IGF2R: variants seen among roughly 807,000 people sequenced by gnomAD.
The protein encoded by IGF2R is cation-independent mannose-6-phosphate receptor.
IGF2R carries 91 observed loss-of-function variants against 270.6 expected under a neutral mutation model. The ratio of observed to expected loss-of-function variants is 0.34; its 90% CI spans 0.28 to 0.40. The LOEUF is 0.40. Among genes scored for constraint, IGF2R ranks in the 10% least tolerant of loss-of-function variants. The probability of loss-of-function intolerance (pLI) is 1.00; values close to 1 mark genes in which losing one functional copy is unlikely to be tolerated. For missense variants in IGF2R, 2,805 were observed against 3,188.3 expected (o/e 0.88, Z 2.90); for synonymous variants, 1,316 against 1,258.9 (o/e 1.05, Z -0.96).
At chr6:160,021,674 T>C (rs376480664) in intron 4 of IGF2R, among the ~76,000 whole-genome samples, 3 of 143,458 alleles carry the variant, frequency 2.1e-5, no homozygotes, top group South Asian at 2.2e-4. Context: ...AACCCCACAA[T>C]GAGATACCAT....
Position 160,046,649 on chromosome 6 carries a change from A to G in IGF2R, c.2051+4A>G. 3.1e-6 allele frequency: 5 copies of G among 1,611,456 alleles called. No homozygotes were observed. Among genetic ancestry groups the G allele is most frequent in the Non-Finnish European group, 4.2e-6 (5 of 1,179,504 alleles). On this transcript the variant is annotated splice_donor_region_variant and intron_variant, in intron 15 of 47. Transcript: ENST00000356956. ...GAGCCTGCCAGGTGGCAAAAAGGCA[A>G]GTAGCTTCTCAGTTCTGTTTCATTC...
Position 159,998,527 on chromosome 6 carries a change from A to C in IGF2R, c.289+7204A>C, listed in dbSNP as rs1331238991. Among the ~76,000 whole-genome samples the C allele has an allele frequency of 1.3e-5, 2 of 152,216 alleles. No homozygotes were observed. The highest frequency in any genetic ancestry group is 4.8e-5 in the African/African-American group (2 of 41,458). ...TTTTAGGAAGCTGGCCCCGTGGAATAGGAAACGATGCCTACAGGGGAGATA... is the reference window on the plus strand; with the variant it reads ...TTTTAGGAAGCTGGCCCCGTGGAATCGGAAACGATGCCTACAGGGGAGATA... On this transcript the variant is annotated intron_variant, in intron 2 of 47. Coordinates refer to ENST00000356956, the MANE Select transcript of IGF2R (RefSeq NM_000876.4). This position sits in a 1 kb window ranked among gnomAD's most constrained non-coding sequence, Gnocchi z 4.1.
In IGF2R at chr6:160,079,646, G is replaced by A. The variant is rs1456148760; in HGVS notation, c.5545G>A (p.Gly1849Ser). The A allele has an allele frequency of 6.4e-7, 1 of 1,569,654 alleles. No individual in the cohort carries two copies. The highest frequency in any genetic ancestry group is 8.6e-7 in the Non-Finnish European group (1 of 1,158,748). ...CTTTGCAGTCGGGCCAGAACAAGGA[G>A]GCTGTAAGGACGGAGGAGTCTGTCT... ...CTFAVGPEQG[G>S]CKDGGVCLLS... The change falls in exon 38 of 48, where the codon GGC (glycine) becomes AGC (serine). Residue 1849 changes from glycine (G) to serine (S), a missense_variant. Transcript: ENST00000356956.
chr6:160,088,990 G>A (rs1481956858), intron 42 of IGF2R, 117 bp from the exon 43 acceptor site: 2 of 1,049,460 alleles, frequency 1.9e-6, no homozygotes, highest in Admixed American at 3.1e-5. Flanking sequence ...AAGTCTCGCA[G>A]CACCTTGACT....
intron 1 of IGF2R, among the ~76,000 whole-genome samples, chr6:159,972,670 G>T (rs974300237): frequency 4.6e-5 from 7 of 152,232 alleles, no homozygotes; most frequent in Non-Finnish European, 8.8e-5. Flanking sequence ...GCTTCAAGGT[G>T]ACCTTTGGCT....
At chr6:160,095,084 T>C (rs531373258) in intron 44 of IGF2R, 1 of 152,304 alleles carries the variant, frequency 6.6e-6, no homozygotes, top group South Asian at 2.1e-4. Flanking sequence ...TTTAGGTTGC[T>C]TGCCCACGTC....
At chr6:160,082,639 A>G (rs984171065) in intron 39 of IGF2R, among the ~76,000 whole-genome samples, 1 of 152,038 alleles carries the variant, frequency 6.6e-6, no homozygotes, top group Non-Finnish European at 1.5e-5. Context: ...TCATTAGTAG[A>G]TTGGTCAAAT....
chr6:160,001,604 T>G (rs1174639042), intron 2 of IGF2R, among the ~76,000 whole-genome samples: 1 of 152,156 alleles, frequency 6.6e-6, no homozygotes, highest in Non-Finnish European at 1.5e-5. Flanking sequence ...GCCCTAAAAT[T>G]TTTTATAGTG....
chr6:160,045,834 C>T lies in IGF2R; in HGVS notation c.1855C>T (p.Leu619=), dbSNP rs915983427. 1.2e-6 allele frequency: 2 copies of T among 1,608,676 alleles called. No homozygotes were observed. Among genetic ancestry groups the T allele is most frequent in the Non-Finnish European group, 1.7e-6 (2 of 1,177,370 alleles). ...FEWHTAAACV[L]SKTEGENCTV... is the part of the protein sequence containing the mutation. ...GTGGCACACAGCTGCGGCCTGTGTG[C>T]TGTCTAAGACAGAAGGGGAGAACTG... The change falls in exon 14 of 48, where the codon CTG becomes TTG. Residue 619 remains leucine (L), a synonymous_variant. Coordinates refer to ENST00000356956, the MANE Select transcript of IGF2R (RefSeq NM_000876.4).
In IGF2R at chr6:160,058,938, G is replaced by T; in HGVS notation, c.2931G>T (p.Gly977=). ...TCTGCGGCACAATGCCTGTCTGTGG[G>T]ACCATCCTGGGAAAACCTGCTTCTG... ...FNVCGTMPVC[G]TILGKPASGC... Residue 977 remains glycine, a synonymous_variant, in exon 22 of 48, where the codon GGG becomes GGT. Transcript: ENST00000356956. The T allele has an allele frequency of 6.2e-7, 1 of 1,614,188 alleles. No homozygotes were observed. Among genetic ancestry groups the T allele is most frequent in the South Asian group, 1.1e-5 (1 of 91,074 alleles).
intron 1 of IGF2R, among the ~76,000 whole-genome samples, chr6:159,971,045 A>T (rs1174892961): frequency 6.6e-6 from 1 of 152,208 alleles, no homozygotes; most frequent in East Asian, 1.9e-4. Context: ...GTCGAGTTGC[A>T]CTCTAGTCTG....
At chr6:160,049,333 G>T (rs190640361) in intron 18 of IGF2R, among the ~76,000 whole-genome samples, 1 of 152,106 alleles carries the variant, frequency 6.6e-6, no homozygotes, top group Non-Finnish European at 1.5e-5. Flanking sequence ...ATCACCACGC[G>T]GAACACTTTC....
chr6:159,989,678 GGC>G (rs1783947133), intron 1 of IGF2R, among the ~76,000 whole-genome samples: 1 of 152,154 alleles, frequency 6.6e-6, no homozygotes, highest in African/African-American at 2.4e-5. Flanking sequence ...GTGATCCTCT[GGC>G]CTTCGCCTCC....
intron 2 of IGF2R, chr6:160,005,993 C>T: frequency 6.2e-6 from 1 of 160,466 alleles, no homozygotes. Flanking sequence ...CGCCCCTCGC[C>T]TCCTCATGCC....
chr6:160,088,993 C>A, intron 42 of IGF2R, 114 bp from the exon 43 acceptor site: 12 of 1,089,160 alleles, frequency 1.1e-5, no homozygotes, highest in Non-Finnish European at 1.5e-5. Flanking sequence ...TCTCGCAGCA[C>A]CTTGACTGAA....
At chr6:159,974,365 C>A (rs994059382) in intron 1 of IGF2R, among the ~76,000 whole-genome samples, 1 of 152,086 alleles carries the variant, frequency 6.6e-6, no homozygotes, top group East Asian at 1.9e-4. Flanking sequence ...CCCTTTTACC[C>A]CTTAAAAATT....
chr6:159,999,355 T>G (rs1784094977), intron 2 of IGF2R, among the ~76,000 whole-genome samples: 1 of 152,214 alleles, frequency 6.6e-6, no homozygotes, highest in African/African-American at 2.4e-5. Context: ...CAGGGCTGTT[T>G]GGCCTCCAGA....
intron 1 of IGF2R, among the ~76,000 whole-genome samples, chr6:159,980,073 C>G (rs182688736): frequency 1.2e-4 from 18 of 151,902 alleles, no homozygotes; most frequent in African/African-American, 3.6e-4. Flanking sequence ...CCCAGCTACT[C>G]GGGAGGCTGT....
intron 6 of IGF2R, among the ~76,000 whole-genome samples, chr6:160,029,146 A>G (rs1327947092): frequency 6.6e-6 from 1 of 151,998 alleles, no homozygotes; most frequent in African/African-American, 2.4e-5. Flanking sequence ...ATGCCCAGCT[A>G]ATTTTTGTAG....
Sources: gnomAD v4.1 joint callset for allele counts (sites outside exome capture counted in the v4.1 genomes callset) on GRCh38, gnomAD v4.1.1 for gene constraint, Gnocchi (gnomAD v3.1) non-coding constraint, MANE v1.5 for transcripts, NCBI Gene and HGNC (gene_info 2026-07-23, HGNC 2026-07-21) for gene names.